CSMD1: variants seen among roughly 807,000 people sequenced by gnomAD.
The protein encoded by CSMD1 is CUB and Sushi multiple domains 1, also known as CUB and sushi domain-containing protein 1.
Under a neutral mutation model 417.5 loss-of-function variants are expected in CSMD1, and 213 were observed. The ratio of observed to expected loss-of-function variants is 0.51; its 90% CI spans 0.46 to 0.57. The LOEUF (loss-of-function observed/expected upper bound fraction) is 0.57. Among genes scored for constraint, CSMD1 ranks in the 20% least tolerant of loss-of-function variants. The probability of loss-of-function intolerance (pLI) is 0.00; values close to 1 mark genes in which losing one functional copy is unlikely to be tolerated. For synonymous variants in CSMD1, 2,862 were observed against 1,736.8 expected (o/e 1.65, Z -16.11); for missense variants, 6,923 against 4,529.7 (o/e 1.53, Z -15.17).
At position 3,393,579 on chromosome 8, in the gene CSMD1, G is replaced by A. The variant is rs144833268; in HGVS notation, c.2593+2615C>T. On this transcript the variant is annotated intron_variant, in intron 17 of 69. Transcript: ENST00000635120. ...CCCACTTTCACAATAGCAAAGACTTGGAAACAACCCAAATGCCTAAAAATG... is the reference window on the plus strand; with the variant it reads ...CCCACTTTCACAATAGCAAAGACTTAGAAACAACCCAAATGCCTAAAAATG... Among the ~76,000 whole-genome samples, 1,401 of 152,048 alleles carry A rather than the reference G, an allele frequency of 9.2e-3. 23 individuals are homozygous for A. Among genetic ancestry groups the A allele is most frequent in the African/African-American group, 0.033 (1,354 of 41,444 alleles).
Position 4,553,111 on chromosome 8 carries a change from G to A in CSMD1, c.302+84231C>T, listed in dbSNP as rs191121678. ...ATTACTTCTTTCAAAGATAGTTTTC[G>A]AGGTACCTATGAGCCCCGTACCTTG... On this transcript the variant is annotated intron_variant, in intron 2 of 69. Coordinates refer to ENST00000635120, the MANE Select transcript of CSMD1 (RefSeq NM_033225.6). Among the ~76,000 whole-genome samples the A allele has an allele frequency of 6.6e-5, 10 of 152,236 alleles. No homozygotes were observed. In the East Asian group the frequency reaches 1.4e-3, roughly 21 times the overall value.
At chr8:3,597,563 T>C (rs1039932608) in intron 8 of CSMD1, among the ~76,000 whole-genome samples, 2 of 152,178 alleles carry the variant, frequency 1.3e-5, no homozygotes, top group South Asian at 4.1e-4. Flanking sequence ...AGGCCAAGAA[T>C]TGTCATTTCC....
At chr8:3,172,524 T>C (rs10109043) in intron 37 of CSMD1, among the ~76,000 whole-genome samples, 6,521 of 152,246 alleles carry the variant, frequency 0.043, 481 homozygotes, top group African/African-American at 0.15. Context: ...AATTTGAAAT[T>C]AGCAGAGACC....
At chr8:3,720,298 G>C (rs1165785781) in intron 6 of CSMD1, among the ~76,000 whole-genome samples, 42 of 152,128 alleles carry the variant, frequency 2.8e-4, no homozygotes, top group Non-Finnish European at 2.9e-5. Context: ...GCTTACAGAA[G>C]AAAAAAGAAA....
rs527260710 is a variant in CSMD1 at position 4,993,030 on chromosome 8, G to A, written c.85+1302C>T. ...AGCCCAGGCGGCACGTCTCTCCCCC[G>A]CTCTCCAGGCAGATCTGGAGTTTCC... On this transcript the variant is annotated intron_variant, in intron 1 of 69. Transcript: ENST00000635120. Among the ~76,000 whole-genome samples, 23 of 152,330 alleles carry A rather than the reference G, an allele frequency of 1.5e-4. No individual in the cohort carries two copies. In the East Asian group the frequency reaches 4.4e-3, roughly 29 times the overall value.
chr8:4,723,086 C>G (rs1270337241), intron 1 of CSMD1, among the ~76,000 whole-genome samples: 3 of 152,162 alleles, frequency 2.0e-5, no homozygotes, highest in Admixed American at 2.0e-4. Flanking sequence ...GGTCAGCTTT[C>G]TGTCTGGATA....
At chr8:3,505,782 G>T (rs1796798543) in intron 10 of CSMD1, among the ~76,000 whole-genome samples, 1 of 152,154 alleles carries the variant, frequency 6.6e-6, no homozygotes, top group Non-Finnish European at 1.5e-5. Context: ...ATGTGAGAAG[G>T]AAGAGAAAAT....
intron 1 of CSMD1, among the ~76,000 whole-genome samples, chr8:4,761,947 C>A (rs1167813163): frequency 6.8e-6 from 1 of 146,826 alleles, no homozygotes; most frequent in Non-Finnish European, 1.5e-5. Context: ...ATCTATCTAT[C>A]TATCTATCTA....
intron 1 of CSMD1, among the ~76,000 whole-genome samples, chr8:4,730,790 G>T (rs1297794768): frequency 6.6e-6 from 1 of 151,900 alleles, no homozygotes; most frequent in Non-Finnish European, 1.5e-5. Flanking sequence ...TAAATGAATA[G>T]AGACGGAGAA....
At position 3,101,261 on chromosome 8, in the gene CSMD1, G is replaced by A. The variant is rs372199035; in HGVS notation, c.6950-4224C>T. Among the ~76,000 whole-genome samples the A allele has an allele frequency of 9.9e-5, 15 of 151,994 alleles. No homozygotes were observed. In the East Asian group the frequency reaches 1.2e-3, roughly 12 times the overall value. On this transcript the variant is annotated intron_variant, in intron 46 of 69. Coordinates refer to ENST00000635120, the MANE Select transcript of CSMD1 (RefSeq NM_033225.6). ...AGCCATCTCCTCCTTTTTCCTCAAC[G>A]CCACACCCTCCTTTGTGTTTCCAAA...
intron 3 of CSMD1, among the ~76,000 whole-genome samples, chr8:4,154,778 C>A (rs1284252500): frequency 6.6e-6 from 1 of 152,128 alleles, no homozygotes; most frequent in East Asian, 1.9e-4. Context: ...TATCACTGAT[C>A]ACAGAGAAAA....
chr8:3,925,046 T>C (rs1443778909), intron 5 of CSMD1, among the ~76,000 whole-genome samples: 8 of 152,192 alleles, frequency 5.3e-5, no homozygotes, highest in Admixed American at 5.2e-4. Flanking sequence ...AGAGATACTG[T>C]GGGTCTCTGC....
At chr8:4,077,649 G>T (rs1016635059) in intron 3 of CSMD1, among the ~76,000 whole-genome samples, 1 of 152,006 alleles carries the variant, frequency 6.6e-6, no homozygotes, top group Non-Finnish European at 1.5e-5. Flanking sequence ...GGTGACAAAA[G>T]GGAGGTATAT....
At chr8:3,310,642 C>G (rs370452920) in intron 23 of CSMD1, among the ~76,000 whole-genome samples, 4 of 152,184 alleles carry the variant, frequency 2.6e-5, no homozygotes. Context: ...CAGCATCTAT[C>G]CCTATGATCA....
In CSMD1 at chr8:4,994,318, C is replaced by A. The variant is rs757377502; in HGVS notation, c.85+14G>T. 1.2e-6 allele frequency: 2 copies of A among 1,607,870 alleles called. No homozygotes were observed. Among genetic ancestry groups the A allele is most frequent in the Admixed American group, 1.7e-5 (1 of 60,000 alleles). On this transcript the variant is annotated intron_variant, in intron 1 of 69. Transcript: ENST00000635120. ...GCTCTACCGCCTCCCCGGCCAGGAG[C>A]AAGTCCGTCTTACCCTTCGCTGCAG...
At chr8:4,931,085 G>T (rs927745508) in intron 1 of CSMD1, among the ~76,000 whole-genome samples, 1 of 151,988 alleles carries the variant, frequency 6.6e-6, no homozygotes, top group South Asian at 2.1e-4. Flanking sequence ...GGAAATTCAG[G>T]CAATTATATA....
chr8:3,955,336 G>A (rs187107796), intron 5 of CSMD1, among the ~76,000 whole-genome samples: 3 of 152,236 alleles, frequency 2.0e-5, no homozygotes, highest in East Asian at 1.9e-4. Flanking sequence ...TCCATGTTAC[G>A]CCACAGAAAC....
At chr8:4,119,409 G>C (rs1261646128) in intron 3 of CSMD1, among the ~76,000 whole-genome samples, 1 of 152,160 alleles carries the variant, frequency 6.6e-6, no homozygotes, top group Admixed American at 6.5e-5. Flanking sequence ...TTTTCAGTTA[G>C]AAATCAAGTC....
intron 3 of CSMD1, among the ~76,000 whole-genome samples, chr8:4,230,037 A>C (rs549108191): frequency 3.3e-5 from 5 of 152,228 alleles, no homozygotes; most frequent in Non-Finnish European, 2.9e-5. Flanking sequence ...TTTAAACATA[A>C]GAACATCTTA....
Sources: gnomAD v4.1 joint callset for allele counts (sites outside exome capture counted in the v4.1 genomes callset) on GRCh38, gnomAD v4.1.1 for gene constraint, MANE v1.5 for transcripts, NCBI Gene and HGNC (gene_info 2026-07-23, HGNC 2026-07-21) for gene names.